The following TRMT11 variants were observed in gnomAD, a reference collection of about 807,000 sequenced individuals.
TRMT11 encodes the protein tRNA methyltransferase 11, also known as tRNA (guanine(10)-N(2))-methyltransferase TRMT11.
A neutral mutation model predicts 62.8 loss-of-function variants in TRMT11; 53 were observed. The ratio of observed to expected loss-of-function variants is 0.84; its 90% CI spans 0.68 to 1.06. The LOEUF is 1.06. Among genes scored for constraint, TRMT11 ranks in the 50% least tolerant of loss-of-function variants. The pLI is 0.00. For synonymous variants in TRMT11, 188 were observed against 190.3 expected, an observed-to-expected ratio of 0.99 and a Z score of 0.10; for missense variants, 556 against 553.4, an observed-to-expected ratio of 1.00 and a Z score of -0.05.
At chr6:126,063,425 C>G (rs1776595626) in intron 17 of TRMT11, among the ~76,000 whole-genome samples, 1 of 152,168 alleles carries the variant, frequency 6.6e-6, no homozygotes, top group African/African-American at 2.4e-5. Flanking sequence ...TTTAATTAAC[C>G]AAATTCAATG....
At chr6:126,188,865 A>G (rs1214539361) in intron 1 of TRMT11, among the ~76,000 whole-genome samples, 5 of 152,174 alleles carry the variant, frequency 3.3e-5, no homozygotes, top group Non-Finnish European at 5.9e-5. Flanking sequence ...AATCAATGGT[A>G]CATTTTACAG....
chr6:126,248,391 A>G, the TRMT11 span, among the ~76,000 whole-genome samples: 2 of 152,186 alleles, frequency 1.3e-5, no homozygotes, highest in South Asian at 2.1e-4. Flanking sequence ...CAAATTGTTC[A>G]GGAAAAGATG....
the TRMT11 span, among the ~76,000 whole-genome samples, chr6:126,236,801 G>A: frequency 3.3e-5 from 5 of 152,274 alleles, no homozygotes; most frequent in Admixed American, 1.3e-4. Context: ...GGGGATACGT[G>A]TGGTCTCTGT....
chr6:126,135,462 C>A (rs1777839766), intron 21 of TRMT11, among the ~76,000 whole-genome samples: 2 of 151,526 alleles, frequency 1.3e-5, no homozygotes, highest in South Asian at 4.2e-4. Flanking sequence ...CTAAACAAAC[C>A]AATCATGAAT....
chr6:126,073,455 C>CTT (rs561136763), intron 17 of TRMT11, among the ~76,000 whole-genome samples: 1 of 149,060 alleles, frequency 6.7e-6, no homozygotes, highest in African/African-American at 2.5e-5. Flanking sequence ...GGGAAAATTA[C>CTT]TTTTTTTTTT....
chr6:126,001,585 C>T (rs1436853243), intron 7 of TRMT11, among the ~76,000 whole-genome samples: 1 of 152,096 alleles, frequency 6.6e-6, no homozygotes, highest in Non-Finnish European at 1.5e-5. Context: ...TAATCATAAA[C>T]AGTACAATTA....
intron 21 of TRMT11, among the ~76,000 whole-genome samples, chr6:126,156,315 G>A (rs987631087): frequency 6.6e-6 from 1 of 152,172 alleles, no homozygotes; most frequent in African/African-American, 2.4e-5. Context: ...GGGACTCTGT[G>A]TGGGGGCTCC....
chr6:126,224,188 A>C, the TRMT11 span, among the ~76,000 whole-genome samples: 20 of 152,214 alleles, frequency 1.3e-4, no homozygotes, highest in Admixed American at 1.3e-3. Flanking sequence ...CTGGAGAGTT[A>C]GTGCAGTCGT....
At chr6:126,034,259 C>T (rs1217236646) in intron 12 of TRMT11, among the ~76,000 whole-genome samples, 1 of 151,998 alleles carries the variant, frequency 6.6e-6, no homozygotes, top group Non-Finnish European at 1.5e-5. Context: ...CCCTTGTGTC[C>T]CTATCTGTAA....
At chr6:126,258,949 A>AT in the TRMT11 span, among the ~76,000 whole-genome samples, 3 of 152,002 alleles carry the variant, frequency 2.0e-5, no homozygotes, top group African/African-American at 7.2e-5. Context: ...CTCAATAGCT[A>AT]TTTTTCCGGA....
rs141238911 is a variant in TRMT11 at position 126,140,188 on chromosome 6, C to A, written c.*1823+24333C>A. ...TTTTAATATGGAGAATTGGTAGGTT[C>A]TCTAGTATTGAACCATCCTTGTATT... is the stretch of plus-strand genomic sequence containing the variant. On this transcript the variant is annotated intron_variant and NMD_transcript_variant, in intron 21 of 22. Coordinates refer to the TRMT11 transcript ENST00000648977. 4.9e-3 allele frequency among the ~76,000 whole-genome samples: 749 copies of A among 151,636 alleles called. 11 individuals are homozygous for A. The highest frequency in any genetic ancestry group is 0.016 in the African/African-American group (681 of 41,386).
At chr6:126,037,264 T>A (rs1370296770) in intron 12 of TRMT11, among the ~76,000 whole-genome samples, 1 of 152,098 alleles carries the variant, frequency 6.6e-6, no homozygotes, top group Non-Finnish European at 1.5e-5. Context: ...TCTTAAGTAA[T>A]TCCTCATCTG....
chr6:126,028,460 T>A (rs1238859529), intron 12 of TRMT11, among the ~76,000 whole-genome samples: 1 of 152,174 alleles, frequency 6.6e-6, no homozygotes, highest in Non-Finnish European at 1.5e-5. Context: ...CAATTTGCAT[T>A]ATTTATAAAT....
At chr6:126,039,459 T>C (rs1172883652), downstream of TRMT11, among the ~76,000 whole-genome samples, 1 of 152,080 alleles carries the variant, frequency 6.6e-6, no homozygotes, top group East Asian at 1.9e-4. Flanking sequence ...TTTTGTACCT[T>C]GGATTTGCTC....
chr6:126,020,563 T>A (rs1795673940), intron 11 of TRMT11, among the ~76,000 whole-genome samples: 1 of 152,252 alleles, frequency 6.6e-6, no homozygotes. Context: ...TCCTGGTTCA[T>A]ATGACCAGAA....
the TRMT11 span, among the ~76,000 whole-genome samples, chr6:126,230,252 C>A: frequency 6.6e-6 from 1 of 152,204 alleles, no homozygotes; most frequent in Non-Finnish European, 1.5e-5. Context: ...TTCCTAACAA[C>A]TTCTACCTGG....
downstream of TRMT11, among the ~76,000 whole-genome samples, chr6:126,043,897 G>T (rs1775962365): frequency 6.6e-6 from 1 of 152,028 alleles, no homozygotes; most frequent in African/African-American, 2.4e-5. Flanking sequence ...TTTTTGATGG[G>T]GTCGTTTGTT....
intron 17 of TRMT11, among the ~76,000 whole-genome samples, chr6:126,068,335 A>C (rs1001426667): frequency 1.3e-5 from 2 of 152,158 alleles, no homozygotes; most frequent in African/African-American, 4.8e-5. Context: ...TGTTTTGTTT[A>C]AGAAATACTG....
At chr6:126,263,765 C>T in the TRMT11 span, among the ~76,000 whole-genome samples, 1 of 152,050 alleles carries the variant, frequency 6.6e-6, no homozygotes, top group African/African-American at 2.4e-5. Flanking sequence ...CCCAAAACTG[C>T]AGAGAGAGGC....
Sources: allele counts gnomAD v4.1 joint callset (sites outside exome capture counted in the v4.1 genomes callset), GRCh38; gene constraint gnomAD v4.1.1; transcripts MANE v1.5; gene names NCBI Gene and HGNC (gene_info 2026-07-23, HGNC 2026-07-21).